UBTD2: variants seen among roughly 807,000 people sequenced by gnomAD.
The protein encoded by UBTD2 is ubiquitin domain containing 2, also known as ubiquitin domain-containing protein 2.
Under a neutral mutation model 19.8 loss-of-function variants are expected in UBTD2, and 9 were observed. The observed-to-expected ratio is 0.46, with a 90% CI of 0.27 to 0.79. The LOEUF (loss-of-function observed/expected upper bound fraction) is 0.79. Among genes scored for constraint, UBTD2 ranks in the 30% least tolerant of loss-of-function variants. The pLI is 0.14. For synonymous variants in UBTD2, 98 were observed against 103.9 expected, an observed-to-expected ratio of 0.94 and a Z score of 0.35; for missense variants, 250 against 300.4, an observed-to-expected ratio of 0.83 and a Z score of 1.24.
chr5:172,242,185 TAC>T (rs1272641417), intron 1 of UBTD2, among the ~76,000 whole-genome samples: 1 of 119,298 alleles, frequency 8.4e-6, no homozygotes, highest in East Asian at 3.7e-4. Context: ...ATGCTTCCTG[TAC>T]AGCCTGTAGA....
chr5:172,283,496 G>A lies in UBTD2; in HGVS notation c.70+100C>T, dbSNP rs1755766883. The A allele has an allele frequency of 1.0e-6, 1 of 955,376 alleles. No individual in the cohort carries two copies. Among genetic ancestry groups the A allele is most frequent in the Non-Finnish European group, 1.4e-6 (1 of 737,410 alleles). The allele number at this position is 955,376 out of a possible 1,614,324, so 59.2% of individuals were successfully genotyped here. ...ATGACGTGGAAGAGGGGATGACAAA[G>A]GGGCGCGGGGGCCCGGCGCGGCCCG... On this transcript the variant is annotated intron_variant, in intron 1 of 2. Coordinates refer to ENST00000393792, the MANE Select transcript of UBTD2 (RefSeq NM_152277.3). This position sits in a 1 kb window ranked among gnomAD's most constrained non-coding sequence, Gnocchi z 4.3.
In UBTD2 at chr5:172,273,590, C is replaced by CAAA. The variant is rs35687001; in HGVS notation, c.70+10003_70+10005dup. Reference sequence around the variant, plus strand: ...TGGGCGACAGAGTGAGACTCCGTCTCAAAAAAAAAAAAAAAAAAAAAAAAA... The same window carrying CAAA: ...TGGGCGACAGAGTGAGACTCCGTCTCAAAAAAAAAAAAAAAAAAAAAAAAAAAA... On this transcript the variant is annotated intron_variant, in intron 1 of 2. Coordinates refer to ENST00000393792, the MANE Select transcript of UBTD2 (RefSeq NM_152277.3). Among the ~76,000 whole-genome samples, 131 of 36,388 alleles carry CAAA rather than the reference C, an allele frequency of 3.6e-3. 14 individuals carry two copies. The highest frequency in any genetic ancestry group is 0.012 in the African/African-American group (108 of 8,696). The allele number at this position is 36,388 out of a possible 152,430, so 23.9% of individuals were successfully genotyped here.
chr5:172,255,220 G>A (rs1755115144), intron 1 of UBTD2: 2 of 448,718 alleles, frequency 4.5e-6, no homozygotes, highest in South Asian at 1.9e-5. Flanking sequence ...AGCAGAAGGA[G>A]GTGAACTCCG....
rs116484248 is a variant in UBTD2, at chr5:172,283,006, G to A, written c.70+590C>T. On this transcript the variant is annotated intron_variant, in intron 1 of 2. Transcript: ENST00000393792. This position sits in a 1 kb window ranked among gnomAD's most constrained non-coding sequence, Gnocchi z 4.3. ...CTAGGAGCCACGTTTTACCCGGGAA[G>A]ACCGTTTCCCCACCCCTCCTTAATA... Among the ~76,000 whole-genome samples the A allele has an allele frequency of 2.9e-3, 441 of 152,252 alleles. No homozygotes were observed. Among genetic ancestry groups the A allele is most frequent in the Non-Finnish European group, 4.6e-3 (310 of 68,022 alleles).
chr5:172,265,397 C>G (rs1450379310), intron 1 of UBTD2, among the ~76,000 whole-genome samples: 1 of 151,982 alleles, frequency 6.6e-6, no homozygotes, highest in South Asian at 2.1e-4. Flanking sequence ...TGCAGTGGCA[C>G]GATCTTGGCT....
intron 2 of UBTD2, among the ~76,000 whole-genome samples, chr5:172,213,332 C>T (rs558864870): frequency 6.6e-6 from 1 of 152,284 alleles, no homozygotes; most frequent in South Asian, 2.1e-4. Context: ...GGCAAGAAGT[C>T]CTTAGTCCAG....
intron 1 of UBTD2, among the ~76,000 whole-genome samples, chr5:172,239,611 A>G (rs1043163691): frequency 4.0e-5 from 6 of 151,332 alleles, no homozygotes; most frequent in African/African-American, 1.5e-4. Context: ...AGTAGAGACA[A>G]GGTTTTGCCA....
intron 1 of UBTD2, chr5:172,255,577 C>T (rs375418540): frequency 2.0e-5 from 5 of 254,174 alleles, no homozygotes; most frequent in South Asian, 5.7e-5. Flanking sequence ...GCGGCGTTGA[C>T]GGCAGGGGAC....
At chr5:172,261,340 C>CA (rs1443904009) in intron 1 of UBTD2, among the ~76,000 whole-genome samples, 1 of 152,208 alleles carries the variant, frequency 6.6e-6, no homozygotes, top group Admixed American at 6.5e-5. Flanking sequence ...CTGAAGAGCA[C>CA]AGGCCTAGAA....
intron 1 of UBTD2, among the ~76,000 whole-genome samples, chr5:172,239,279 C>T (rs1270489472): frequency 6.6e-6 from 1 of 152,198 alleles, no homozygotes; most frequent in African/African-American, 2.4e-5. Flanking sequence ...CTAGAACACA[C>T]ATGCCCAAAT....
chr5:172,217,494 T>C (rs969816865), intron 2 of UBTD2, among the ~76,000 whole-genome samples: 3 of 152,028 alleles, frequency 2.0e-5, no homozygotes, highest in Non-Finnish European at 4.4e-5. Flanking sequence ...TTTTTTCTTA[T>C]TTACTTTTAG....
intron 1 of UBTD2, among the ~76,000 whole-genome samples, chr5:172,242,103 A>G (rs1303765601): frequency 6.6e-6 from 1 of 152,118 alleles, no homozygotes; most frequent in Non-Finnish European, 1.5e-5. Context: ...ATGTGATGCA[A>G]TGGCTCCCCC....
At chr5:172,236,011 CT>C (rs2113895886) in intron 1 of UBTD2, among the ~76,000 whole-genome samples, 1 of 152,276 alleles carries the variant, frequency 6.6e-6, no homozygotes, top group Admixed American at 6.5e-5. Flanking sequence ...ATGAAATTGA[CT>C]ACTCCCTCAT....
chr5:172,234,347 G>T lies in UBTD2; in HGVS notation c.82C>A (p.Arg28Ser). 5 of 1,613,698 alleles carry T rather than the reference G, an allele frequency of 3.1e-6. No homozygotes were observed. Among genetic ancestry groups the T allele is most frequent in the Non-Finnish European group, 4.2e-6 (5 of 1,179,898 alleles). The change falls in exon 2 of 3, where the codon CGT (arginine) becomes AGT (serine). Residue 28 changes from arginine (R) to serine (S), a missense_variant. Coordinates refer to ENST00000393792, the MANE Select transcript of UBTD2 (RefSeq NM_152277.3). ...NSEGTGVALG[R>S]NQPLKKEKPK... ...TTCTCCTTTTTCAAAGGCTGGTTAC[G>T]ACCTAGAGCAACTGAAAAGAAAAAT...
At chr5:172,254,366 G>T in intron 1 of UBTD2, 1 of 260,252 alleles carries the variant, frequency 3.8e-6, no homozygotes, top group Non-Finnish European at 7.4e-6. Flanking sequence ...CAAAGTGTTG[G>T]GATTACAGGC....
chr5:172,213,629 T>G (rs1048570011), intron 2 of UBTD2, among the ~76,000 whole-genome samples: 9 of 152,124 alleles, frequency 5.9e-5, no homozygotes, highest in Non-Finnish European at 1.5e-5. Context: ...AACAAAATTT[T>G]AGAGACAAGG....
rs1421883579 is a variant in UBTD2, at chr5:172,210,049, A to G, written c.*1781T>C. 6.6e-6 allele frequency: 1 copy of G among 152,184 alleles called. No individual in the cohort carries two copies. The allele number at this position is 152,184 out of a possible 1,614,324, so 9.4% of individuals were successfully genotyped here. A position where few individuals can be genotyped will look rare whatever the true frequency, so the allele number is the denominator to read the frequency against. On this transcript the variant is annotated 3_prime_UTR_variant, in exon 3 of 3. Transcript: ENST00000393792. Reference sequence around the variant, plus strand: ...CAGGAGCAATATACTGATTTACCCTAATATCTCCACCTCTAAACATAAAAA... The same window carrying G: ...CAGGAGCAATATACTGATTTACCCTGATATCTCCACCTCTAAACATAAAAA...
intron 1 of UBTD2, among the ~76,000 whole-genome samples, chr5:172,272,671 A>C (rs1297483990): frequency 1.3e-5 from 2 of 152,228 alleles, no homozygotes; most frequent in African/African-American, 4.8e-5. Context: ...CTAGTGATTT[A>C]ACATTCTCAT....
intron 1 of UBTD2, among the ~76,000 whole-genome samples, chr5:172,238,284 G>C (rs999042979): frequency 3.9e-5 from 6 of 152,136 alleles, no homozygotes; most frequent in African/African-American, 1.4e-4. Context: ...CTCTAACAGT[G>C]AAGAATTTAA....
Sources: allele counts gnomAD v4.1 joint callset (sites outside exome capture counted in the v4.1 genomes callset), GRCh38; gene constraint gnomAD v4.1.1; non-coding constraint Gnocchi (gnomAD v3.1); transcripts MANE v1.5; gene names NCBI Gene and HGNC (gene_info 2026-07-23, HGNC 2026-07-21).